Variants in DNAJB1 observed in about 807,000 individuals in gnomAD.
The protein encoded by DNAJB1 is dnaJ homolog subfamily B member 1.
Under a neutral mutation model 24.0 loss-of-function variants are expected in DNAJB1, and 14 were observed. That is an observed-to-expected ratio of 0.58 (90% CI 0.39 to 0.91). The LOEUF (loss-of-function observed/expected upper bound fraction) is 0.91, where lower values mean the gene tolerates loss of function less well. Ranked by LOEUF, DNAJB1 falls within the 40% of genes least tolerant of loss-of-function variation. The pLI is 0.00. For missense variants in DNAJB1, 517 were observed against 458.1 expected (o/e 1.13, Z -1.17); for synonymous variants, 262 against 174.4 (o/e 1.50, Z -3.96).
chr19:14,548,546 A>G (rs1371457237), intron 1 of DNAJB1, among the ~76,000 whole-genome samples: 1 of 152,188 alleles, frequency 6.6e-6, no homozygotes, highest in East Asian at 1.9e-4. Context: ...GGCTTTGCCT[A>G]AGGGTCTCTG....
chr19:14,518,725 G>A (rs947089271), upstream of DNAJB1, among the ~76,000 whole-genome samples: 10 of 152,174 alleles, frequency 6.6e-5, no homozygotes, highest in Non-Finnish European at 1.3e-4. Flanking sequence ...CCCGCCCTCC[G>A]CCTGGGTCAG....
chr19:14,538,312 C>G (rs934332867), intron 1 of DNAJB1, among the ~76,000 whole-genome samples: 1 of 152,068 alleles, frequency 6.6e-6, no homozygotes, highest in African/African-American at 2.4e-5. Flanking sequence ...GTGACTTAAC[C>G]TAAGCTTCAG....
chr19:14,552,143 T>G (rs923563618), upstream of DNAJB1, among the ~76,000 whole-genome samples: 16 of 148,284 alleles, frequency 1.1e-4, no homozygotes, highest in South Asian at 1.1e-3. Context: ...CTGGCCTTTT[T>G]CTTTTCTTTC....
intron 1 of DNAJB1, among the ~76,000 whole-genome samples, chr19:14,543,442 TTTTTTTTTTTTTTTG>T (rs1412130008): frequency 3.7e-5 from 2 of 54,502 alleles, no homozygotes; most frequent in Non-Finnish European, 3.9e-5. Flanking sequence ...TTTTTTTTTT[TTTTTTTTTTTTTTTG>T]AGACGGAGTC....
upstream of DNAJB1, chr19:14,534,106 A>G (rs1181380523): frequency 6.6e-6 from 1 of 151,128 alleles, no homozygotes; most frequent in African/African-American, 2.4e-5. Context: ...GTCCCCCATA[A>G]CCCACATTTA....
At chr19:14,547,273 A>G (rs2073339332) in intron 1 of DNAJB1, among the ~76,000 whole-genome samples, 1 of 152,244 alleles carries the variant, frequency 6.6e-6, no homozygotes, top group African/African-American at 2.4e-5. Context: ...TAGGCCAGAA[A>G]TGACATCTTT....
chr19:14,549,211 C>CTTTA (rs2073406060), intron 1 of DNAJB1, among the ~76,000 whole-genome samples: 1 of 111,162 alleles, frequency 9.0e-6, no homozygotes, highest in Admixed American at 1.0e-4. Context: ...TTTAATTGGA[C>CTTTA]TTTTTTTTTT....
chr19:14,517,975 G>T lies in DNAJB1; in HGVS notation c.211+164C>A, dbSNP rs926432430. 6.0e-6 allele frequency: 4 copies of T among 666,894 alleles called. No homozygotes were observed. The Admixed American group carries it at 1.3e-4, about 21-fold the overall frequency. The allele number at this position is 666,894 out of a possible 1,614,324, so 41.3% of individuals were successfully genotyped here. The stretch of plus-strand genomic sequence containing the variant: ...GGGCCAAGGCTCCTCCTCCCACCGC[G>T]CGGCCGCCAATCCGAGGGCGGAGGC... On this transcript the variant is annotated intron_variant, in intron 1 of 2. Transcript: ENST00000254322.
rs572210216 is a variant in DNAJB1 at position 14,539,446 on chromosome 19, C to T, written c.-214+10762G>A. On this transcript the variant is annotated intron_variant, in intron 1 of 3. Coordinates refer to the DNAJB1 transcript ENST00000676982. Reference sequence around the variant, plus strand: ...AGAAGACAGTCTGGCCACCAGGTGCCTGTCACAGCTGCCTCACCTAGGAGC... The same window carrying T: ...AGAAGACAGTCTGGCCACCAGGTGCTTGTCACAGCTGCCTCACCTAGGAGC... Among the ~76,000 whole-genome samples, 8 of 152,200 alleles carry T rather than the reference C, an allele frequency of 5.3e-5. No individual in the cohort carries two copies. The South Asian group carries it at 8.3e-4, about 16-fold the overall frequency.
chr19:14,552,273 A>G (rs534647929), upstream of DNAJB1, among the ~76,000 whole-genome samples: 13 of 148,126 alleles, frequency 8.8e-5, no homozygotes, highest in South Asian at 8.7e-4. Context: ...GGCTCAAGCA[A>G]TCCTCCCAGT....
At position 14,518,303 on chromosome 19, in the gene DNAJB1, G is replaced by A. The variant is rs1413942520; in HGVS notation, c.47C>T (p.Ser16Leu). Residue 16 changes from serine (S) to leucine (L), a missense_variant, in exon 1 of 3, where the codon TCG (serine) becomes TTG (leucine). Transcript: ENST00000254322. ...GTAGGCCCGCTTGATCTCCTCGTCC[G>A]ACGCGCCGCGGGCCAGGCCCAACGT... is the stretch of plus-strand genomic sequence containing the variant. ...YQTLGLARGA[S>L]DEEIKRAYRR... is the part of the protein sequence containing the mutation. 9 of 1,607,740 alleles carry A rather than the reference G, an allele frequency of 5.6e-6. No individual in the cohort carries two copies. The highest frequency in any genetic ancestry group is 1.1e-5 in the South Asian group (1 of 90,772).
Position 14,518,340 on chromosome 19 carries a change from C to A in DNAJB1, c.10G>T (p.Asp4Tyr). The change falls in exon 1 of 3, where the codon GAC (aspartate) becomes TAC (tyrosine). Residue 4 changes from aspartate to tyrosine, a missense_variant. Coordinates refer to ENST00000254322, the MANE Select transcript of DNAJB1 (RefSeq NM_006145.3). ...GCCAGGCCCAACGTCTGGTAGTAGT[C>A]TTTACCCATGACCCCCTCCTGCGGC... MGK[D>Y]YYQTLGLARG... is the part of the protein sequence containing the mutation. 1.3e-6 allele frequency: 2 copies of A among 1,576,102 alleles called. No homozygotes were observed. Among genetic ancestry groups the A allele is most frequent in the Non-Finnish European group, 1.7e-6 (2 of 1,168,568 alleles).
intron 1 of DNAJB1, among the ~76,000 whole-genome samples, chr19:14,556,579 G>GT (rs1362891564): frequency 6.6e-6 from 1 of 152,026 alleles, no homozygotes; most frequent in Non-Finnish European, 1.5e-5. Flanking sequence ...GGCTGGCTTG[G>GT]TTTTTTTCAC....
upstream of DNAJB1, among the ~76,000 whole-genome samples, chr19:14,522,903 C>G (rs2072378837): frequency 1.3e-5 from 2 of 152,058 alleles, no homozygotes; most frequent in African/African-American, 4.8e-5. Flanking sequence ...TAGGTCTGTC[C>G]TCCATAAATT....
chr19:14,529,341 C>T (rs1332088153), upstream of DNAJB1: 1 of 455,822 alleles, frequency 2.2e-6, no homozygotes, highest in Non-Finnish European at 4.1e-6. Flanking sequence ...CATCAGGGGG[C>T]GTGGCAAAGG....
At chr19:14,518,519 T>A, upstream of DNAJB1, 1 of 471,412 alleles carries the variant, frequency 2.1e-6, no homozygotes, top group African/African-American at 2.1e-5. Flanking sequence ...CGCCGCCCTT[T>A]CAGCGACACG....
upstream of DNAJB1, among the ~76,000 whole-genome samples, chr19:14,554,264 C>T (rs1045867017): frequency 2.0e-5 from 3 of 152,162 alleles, no homozygotes; most frequent in Non-Finnish European, 4.4e-5. Flanking sequence ...GGGCAGGGAA[C>T]GTGAAATAAC....
upstream of DNAJB1, among the ~76,000 whole-genome samples, chr19:14,533,283 G>T (rs1047444935): frequency 5.9e-5 from 9 of 151,960 alleles, no homozygotes; most frequent in African/African-American, 2.2e-4. Flanking sequence ...AGCTGGGTGT[G>T]GTGGCGCACG....
At chr19:14,516,429 T>C in intron 2 of DNAJB1, 37 bp downstream of exon 2, 1 of 1,586,908 alleles carries the variant, frequency 6.3e-7, no homozygotes, top group Non-Finnish European at 8.6e-7. Flanking sequence ...AAAGCAGCCA[T>C]CGCCCTCTAC....
Sources: allele counts gnomAD v4.1 joint callset (sites outside exome capture counted in the v4.1 genomes callset), GRCh38; gene constraint gnomAD v4.1.1; transcripts MANE v1.5; gene names NCBI Gene and HGNC (gene_info 2026-07-23, HGNC 2026-07-21).